KAT2B: variants seen among roughly 807,000 people sequenced by gnomAD.
KAT2B encodes histone acetyltransferase KAT2B.
Under a neutral mutation model 105.9 loss-of-function variants are expected in KAT2B, and 36 were observed. The observed-to-expected ratio is 0.34, with a 90% CI of 0.26 to 0.45. The LOEUF (loss-of-function observed/expected upper bound fraction) is 0.45. Among genes scored for constraint, KAT2B ranks in the 20% least tolerant of loss-of-function variants. KAT2B has a pLI of 1.00. For missense variants in KAT2B, 820 were observed against 1,021.6 expected (o/e 0.80, Z 2.69); for synonymous variants, 397 against 377.9 (o/e 1.05, Z -0.59).
At chr3:20,141,632 C>A (rs903681737) in intron 13 of KAT2B, among the ~76,000 whole-genome samples, 3 of 152,142 alleles carry the variant, frequency 2.0e-5, no homozygotes, top group African/African-American at 7.2e-5. Flanking sequence ...CCTCCTTAAT[C>A]CCAGTTCTTA....
intron 13 of KAT2B, 76 bp downstream of exon 13, chr3:20,140,440 T>C: frequency 6.9e-7 from 1 of 1,441,998 alleles, no homozygotes; most frequent in Non-Finnish European, 9.6e-7. Flanking sequence ...CCTTGGGTGC[T>C]GCGTGTATGT....
chr3:20,101,804 G>A (rs982262171), intron 5 of KAT2B, among the ~76,000 whole-genome samples: 3 of 152,126 alleles, frequency 2.0e-5, no homozygotes, highest in Non-Finnish European at 2.9e-5. Flanking sequence ...ATTACATGTA[G>A]AAATGATAGT....
intron 12 of KAT2B, among the ~76,000 whole-genome samples, chr3:20,137,937 T>C (rs540935641): frequency 1.3e-5 from 2 of 152,314 alleles, no homozygotes; most frequent in East Asian, 1.9e-4. Context: ...GCTCAGGAGT[T>C]TGAAACAGCC....
chr3:20,088,904 A>G (rs2125192089), intron 2 of KAT2B, among the ~76,000 whole-genome samples: 1 of 152,204 alleles, frequency 6.6e-6, no homozygotes, highest in South Asian at 2.1e-4. Flanking sequence ...TCCATTTTGA[A>G]TAGGTTTTTG....
At chr3:20,054,044 C>G (rs1188728619) in intron 1 of KAT2B, among the ~76,000 whole-genome samples, 1 of 152,180 alleles carries the variant, frequency 6.6e-6, no homozygotes, top group Non-Finnish European at 1.5e-5. Context: ...GTGATCCATC[C>G]TCCTCGGCCT....
intron 11 of KAT2B, among the ~76,000 whole-genome samples, chr3:20,132,943 C>T (rs936272377): frequency 5.9e-5 from 9 of 152,216 alleles, no homozygotes; most frequent in Non-Finnish European, 1.2e-4. Context: ...TTAGAAGACA[C>T]ATTTCTTACT....
chr3:20,052,221 A>G (rs1697927368), intron 1 of KAT2B, among the ~76,000 whole-genome samples: 1 of 151,908 alleles, frequency 6.6e-6, no homozygotes, highest in Non-Finnish European at 1.5e-5. Context: ...CCCATCTATC[A>G]CTCTATAATC....
Position 20,136,986 on chromosome 3 carries a change from A to G in KAT2B, c.1794A>G (p.Ile598Met), listed in dbSNP as rs1175498589. ...TGAATCATTTGAAAGAATATCACAT[A>G]AAGCATGACATCCTGAACTTCCTCA... ...HLMNHLKEYHIKHDILNFLTY... is the reference protein window; with the variant it reads ...HLMNHLKEYHMKHDILNFLTY... Residue 598 changes from isoleucine (I) to methionine (M), a missense_variant, in exon 12 of 18, where the codon ATA (isoleucine) becomes ATG (methionine). By Grantham distance (10) the Ile-to-Met change is conservative. Transcript: ENST00000263754. The G allele has an allele frequency of 6.2e-7, 1 of 1,610,686 alleles. No individual in the cohort carries two copies. Among genetic ancestry groups the G allele is most frequent in the Non-Finnish European group, 8.5e-7 (1 of 1,177,014 alleles).
intron 2 of KAT2B, among the ~76,000 whole-genome samples, chr3:20,094,188 G>T (rs1698769440): frequency 6.6e-6 from 1 of 152,170 alleles, no homozygotes; most frequent in Non-Finnish European, 1.5e-5. Context: ...GGCTGGGGAG[G>T]CCTCAGGAAT....
intron 1 of KAT2B, among the ~76,000 whole-genome samples, chr3:20,042,465 T>G (rs548570493): frequency 2.6e-5 from 4 of 152,056 alleles, no homozygotes; most frequent in Non-Finnish European, 5.9e-5. Flanking sequence ...ACTGCTTGGG[T>G]GATGACTACA....
chr3:20,116,094 T>C (rs2125169339), intron 7 of KAT2B, among the ~76,000 whole-genome samples: 1 of 152,184 alleles, frequency 6.6e-6, no homozygotes, highest in East Asian at 1.9e-4. Flanking sequence ...TTTTTTTTTC[T>C]AACCTGAGAT....
At chr3:20,083,997 TTGAGAACA>T (rs1698568102) in intron 2 of KAT2B, among the ~76,000 whole-genome samples, 1 of 152,134 alleles carries the variant, frequency 6.6e-6, no homozygotes, top group South Asian at 2.1e-4. Context: ...TGTGTATTTG[TTGAGAACA>T]GAAAGTTCAG....
Position 20,076,651 on chromosome 3 carries a change from T to C in KAT2B, c.430+4192T>C, listed in dbSNP as rs575109378. Among the ~76,000 whole-genome samples the C allele has an allele frequency of 2.6e-5, 4 of 152,354 alleles. No homozygotes were observed. The South Asian group carries it at 8.3e-4, about 32-fold the overall frequency. ...AATGATTATTTACATTTGCCAATTT[T>C]GTTGTATCTAACCCCCTGCTTTTAT... On this transcript the variant is annotated intron_variant, in intron 2 of 17. Coordinates refer to ENST00000263754, the MANE Select transcript of KAT2B (RefSeq NM_003884.5).
intron 3 of KAT2B, among the ~76,000 whole-genome samples, chr3:20,098,402 C>T (rs147008372): frequency 6.6e-6 from 1 of 152,170 alleles, no homozygotes; most frequent in African/African-American, 2.4e-5. Context: ...GCAAGTTAAT[C>T]TGCCTTGTTA....
intron 1 of KAT2B, among the ~76,000 whole-genome samples, chr3:20,057,494 A>G (rs980452808): frequency 5.3e-5 from 8 of 152,198 alleles, no homozygotes; most frequent in African/African-American, 1.9e-4. Flanking sequence ...GAAAAATTCT[A>G]TTAGTCAGCT....
chr3:20,061,861 T>A (rs1698108717), intron 1 of KAT2B, among the ~76,000 whole-genome samples: 1 of 110,978 alleles, frequency 9.0e-6, no homozygotes, highest in Admixed American at 1.1e-4. Context: ...ATAATATACA[T>A]AAAATATATA....
intron 5 of KAT2B, 63 bp from the exon 6 acceptor site, chr3:20,111,533 G>A: frequency 7.6e-7 from 1 of 1,319,310 alleles, no homozygotes; most frequent in Non-Finnish European, 1.0e-6. Flanking sequence ...AAACATAATT[G>A]AATATTTCTG....
chr3:20,121,517 G>A (rs971067745), intron 8 of KAT2B, among the ~76,000 whole-genome samples: 11 of 152,146 alleles, frequency 7.2e-5, no homozygotes, highest in African/African-American at 2.2e-4. Context: ...CTCCTATTGT[G>A]TGGAATGGTG....
Position 20,087,389 on chromosome 3 carries a change from CAAAT to C in KAT2B, c.431-7870_431-7867del, listed in dbSNP as rs558655157. Among the ~76,000 whole-genome samples the C allele has an allele frequency of 1.1e-4, 17 of 151,628 alleles. No homozygotes were observed. In the East Asian group the frequency reaches 1.2e-3, roughly 10 times the overall value. ...TTCGGTTTTATTAAGGTTTAATTGACAAATAAAAATGTATATATTTATCGTGTAT... is the reference window on the plus strand; with the variant it reads ...TTCGGTTTTATTAAGGTTTAATTGACAAAAATGTATATATTTATCGTGTAT... On this transcript the variant is annotated intron_variant, in intron 2 of 17. Coordinates refer to ENST00000263754, the MANE Select transcript of KAT2B (RefSeq NM_003884.5).
Sources: allele counts gnomAD v4.1 joint callset (sites outside exome capture counted in the v4.1 genomes callset), GRCh38; gene constraint gnomAD v4.1.1; transcripts MANE v1.5; gene names NCBI Gene and HGNC (gene_info 2026-07-23, HGNC 2026-07-21).